The following SLC24A3 variants were observed in gnomAD, a reference collection of about 807,000 sequenced individuals.
SLC24A3 encodes sodium/potassium/calcium exchanger 3.
In SLC24A3, 28 loss-of-function variants were observed where a neutral mutation model predicts 75.8. That is an observed-to-expected ratio of 0.37 (90% CI 0.27 to 0.51). The LOEUF (loss-of-function observed/expected upper bound fraction) is 0.51. Among genes scored for constraint, SLC24A3 ranks in the 20% least tolerant of loss-of-function variants. SLC24A3 has a pLI of 0.94. For missense variants in SLC24A3, 663 were observed against 847.8 expected (o/e 0.78, Z 2.71); for synonymous variants, 372 against 334.1 (o/e 1.11, Z -1.24).
chr20:19,365,682 A>T (rs1438525262), intron 2 of SLC24A3, among the ~76,000 whole-genome samples: 1 of 152,226 alleles, frequency 6.6e-6, no homozygotes, highest in Non-Finnish European at 1.5e-5. Flanking sequence ...CGTAAGAGTG[A>T]GTAAATGTCT....
chr20:19,298,565 G>C (rs2122242878), intron 2 of SLC24A3, among the ~76,000 whole-genome samples: 1 of 152,158 alleles, frequency 6.6e-6, no homozygotes, highest in East Asian at 1.9e-4. Flanking sequence ...CAACAGTAGA[G>C]GATGGGGAAG....
intron 8 of SLC24A3, among the ~76,000 whole-genome samples, chr20:19,669,083 T>A (rs1178615455): frequency 6.6e-6 from 1 of 152,188 alleles, no homozygotes; most frequent in African/African-American, 2.4e-5. Flanking sequence ...GCACCCTCTT[T>A]GAGATCAGAA....
chr20:19,232,765 T>G (rs765386851), intron 1 of SLC24A3, among the ~76,000 whole-genome samples: 1 of 152,228 alleles, frequency 6.6e-6, no homozygotes, highest in Non-Finnish European at 1.5e-5. Context: ...TTTGTCTAAA[T>G]CTATTTAGAG....
chr20:19,599,102 T>C (rs2031490773), intron 6 of SLC24A3, among the ~76,000 whole-genome samples: 1 of 152,130 alleles, frequency 6.6e-6, no homozygotes, highest in South Asian at 2.1e-4. Context: ...TCATTGTACA[T>C]ATGAGAAAAT....
chr20:19,367,179 C>T (rs994107895), intron 2 of SLC24A3, among the ~76,000 whole-genome samples: 5 of 152,190 alleles, frequency 3.3e-5, no homozygotes, highest in Admixed American at 2.6e-4. Context: ...GCTAGTAGCT[C>T]CCAAGTTGGA....
At chr20:19,587,053 C>T (rs1053583897) in intron 6 of SLC24A3, among the ~76,000 whole-genome samples, 2 of 152,308 alleles carry the variant, frequency 1.3e-5, no homozygotes, top group African/African-American at 4.8e-5. Context: ...TGGCCTTCCA[C>T]AGATGAACAG....
intron 1 of SLC24A3, chr20:19,264,191 G>T (rs1983088740): frequency 6.6e-6 from 1 of 151,596 alleles, no homozygotes; most frequent in African/African-American, 2.4e-5. Context: ...CCACTTCTAT[G>T]GCTCTGGACC....
chr20:19,663,419 C>CACT (rs2032355188), intron 7 of SLC24A3, among the ~76,000 whole-genome samples: 4 of 88,096 alleles, frequency 4.5e-5, no homozygotes, highest in Admixed American at 1.0e-4. Context: ...CCTCCTCCTC[C>CACT]TCCTCCTCCT....
intron 6 of SLC24A3, 65 bp downstream of exon 6, chr20:19,585,609 T>C: frequency 6.8e-7 from 1 of 1,478,002 alleles, no homozygotes. Context: ...GCATGGAGTT[T>C]AGGCAGGAGA....
chr20:19,535,383 C>G (rs538144666), intron 3 of SLC24A3, among the ~76,000 whole-genome samples: 1 of 152,338 alleles, frequency 6.6e-6, no homozygotes, highest in African/African-American at 2.4e-5. Flanking sequence ...AGTTGGCTGT[C>G]AGCTTGGGCA....
chr20:19,300,675 C>T lies in SLC24A3; in HGVS notation c.271+19588C>T, dbSNP rs939940653. Among the ~76,000 whole-genome samples, 12 of 152,160 alleles carry T rather than the reference C, an allele frequency of 7.9e-5. No individual in the cohort carries two copies. The South Asian group carries it at 8.3e-4, about 11-fold the overall frequency. On this transcript the variant is annotated intron_variant, in intron 2 of 16. Coordinates refer to ENST00000328041, the MANE Select transcript of SLC24A3 (RefSeq NM_020689.4). ...CTGTCCATCACTCACTTCCTTCCTT[C>T]GGTGCGATGACTGACTGGCTTCTTG...
At chr20:19,232,661 C>T (rs1388047723) in intron 1 of SLC24A3, among the ~76,000 whole-genome samples, 1 of 152,218 alleles carries the variant, frequency 6.6e-6, no homozygotes, top group Non-Finnish European at 1.5e-5. Flanking sequence ...AAGCCACTGA[C>T]GAGGACTCTG....
At chr20:19,662,089 GTATC>G (rs767340686) in intron 7 of SLC24A3, among the ~76,000 whole-genome samples, 3 of 152,046 alleles carry the variant, frequency 2.0e-5, no homozygotes, top group Non-Finnish European at 2.9e-5. Flanking sequence ...GAAGCCAAGG[GTATC>G]TTTGGATGAA....
Position 19,550,132 on chromosome 20 carries a change from T to C in SLC24A3, c.349-29868T>C, listed in dbSNP as rs573519445. ...AAAGAAAAGCTTTGAGTTGCCAAGA[T>C]AGCATTTACTAAATTTGGTCATAAA... On this transcript the variant is annotated intron_variant, in intron 3 of 16. Coordinates refer to ENST00000328041, the MANE Select transcript of SLC24A3 (RefSeq NM_020689.4). Among the ~76,000 whole-genome samples the C allele has an allele frequency of 7.2e-5, 11 of 152,328 alleles. No homozygotes were observed. The South Asian group carries it at 2.3e-3, about 32-fold the overall frequency.
chr20:19,513,396 G>A (rs1344921329), intron 2 of SLC24A3, among the ~76,000 whole-genome samples: 1 of 152,228 alleles, frequency 6.6e-6, no homozygotes, highest in Non-Finnish European at 1.5e-5. Flanking sequence ...ATCTGTTTGT[G>A]AGGATAAGAT....
chr20:19,263,225 C>G (rs1186903125), intron 1 of SLC24A3, among the ~76,000 whole-genome samples: 2 of 152,152 alleles, frequency 1.3e-5, no homozygotes, highest in Non-Finnish European at 2.9e-5. Flanking sequence ...GAGAAGGGAA[C>G]AGTCTCATGT....
At chr20:19,605,052 A>G (rs4813365) in intron 6 of SLC24A3, among the ~76,000 whole-genome samples, 79,534 of 152,042 alleles carry the variant, frequency 0.52, 22,253 homozygotes, top group Admixed American at 0.62. Context: ...TAGAACACTC[A>G]GTCTGACCAC....
chr20:19,461,789 T>C (rs6046108), intron 2 of SLC24A3, among the ~76,000 whole-genome samples: 72,398 of 151,922 alleles, frequency 0.48, 18,782 homozygotes, highest in Non-Finnish European at 0.58. Context: ...CGCCTCTGCC[T>C]CCCTAAGTGC....
At chr20:19,391,899 T>C (rs1392940231) in intron 2 of SLC24A3, among the ~76,000 whole-genome samples, 2 of 152,184 alleles carry the variant, frequency 1.3e-5, no homozygotes, top group East Asian at 1.9e-4. Context: ...CCCTGCTACA[T>C]TGACTTTTTG....
Sources: gnomAD v4.1 joint callset for allele counts (sites outside exome capture counted in the v4.1 genomes callset) on GRCh38, gnomAD v4.1.1 for gene constraint, MANE v1.5 for transcripts, NCBI Gene and HGNC (gene_info 2026-07-23, HGNC 2026-07-21) for gene names.